LHFPL6: variants seen among roughly 807,000 people sequenced by gnomAD.
LHFPL6 encodes LHFPL tetraspan subfamily member 6, also known as LHFPL tetraspan subfamily member 6 protein.
LHFPL6 carries 9 observed loss-of-function variants against 20.6 expected under a neutral mutation model. That is an observed-to-expected ratio of 0.44 (90% confidence interval 0.26 to 0.76). The LOEUF (loss-of-function observed/expected upper bound fraction) is 0.76, where lower values mean the gene tolerates loss of function less well. Ranked by LOEUF, LHFPL6 falls within the 30% of genes least tolerant of loss-of-function variation. The pLI, the probability that LHFPL6 is intolerant of heterozygous loss-of-function variation, is 0.20. For synonymous variants in LHFPL6, 105 were observed against 98.7 expected, an observed-to-expected ratio of 1.06 and a Z score of -0.38; for missense variants, 218 against 253.5, an observed-to-expected ratio of 0.86 and a Z score of 0.95.
intron 3 of LHFPL6, among the ~76,000 whole-genome samples, chr13:39,345,166 A>G (rs1256997987): frequency 6.6e-6 from 1 of 152,188 alleles, no homozygotes; most frequent in Non-Finnish European, 1.5e-5. Flanking sequence ...AGATACAAAC[A>G]TAAACACCAA....
At chr13:39,516,143 G>C (rs948392682) in intron 2 of LHFPL6, among the ~76,000 whole-genome samples, 2 of 152,064 alleles carry the variant, frequency 1.3e-5, no homozygotes, top group Non-Finnish European at 2.9e-5. Flanking sequence ...ATTTCTGTAC[G>C]CTTCACATTC....
At chr13:39,370,603 C>T (rs1870139593) in intron 3 of LHFPL6, among the ~76,000 whole-genome samples, 1 of 152,208 alleles carries the variant, frequency 6.6e-6, no homozygotes, top group South Asian at 2.1e-4. Context: ...GGAGTCTCTT[C>T]CTGAGCTGAG....
intron 3 of LHFPL6, among the ~76,000 whole-genome samples, chr13:39,357,833 A>G (rs1869766701): frequency 6.6e-6 from 1 of 152,214 alleles, no homozygotes. Context: ...ATACTGTTGA[A>G]AGAAATCATC....
intron 2 of LHFPL6, among the ~76,000 whole-genome samples, chr13:39,563,228 G>A (rs1370777983): frequency 6.6e-6 from 1 of 151,188 alleles, no homozygotes; most frequent in Non-Finnish European, 1.5e-5. Flanking sequence ...TAAAAATCAG[G>A]ATTAAACTAA....
chr13:39,429,486 T>G (rs1656894076), intron 2 of LHFPL6, among the ~76,000 whole-genome samples: 1 of 152,160 alleles, frequency 6.6e-6, no homozygotes, highest in African/African-American at 2.4e-5. Flanking sequence ...TTTACCCTAT[T>G]TGTGTCTTTA....
At chr13:39,378,281 T>C (rs1196967523) in intron 3 of LHFPL6, 147 bp downstream of exon 3, 8 of 615,018 alleles carry the variant, frequency 1.3e-5, no homozygotes, top group Non-Finnish European at 2.3e-5. Flanking sequence ...ACTAAATAAA[T>C]GGATACATTT....
chr13:39,446,745 A>G (rs932341692), intron 2 of LHFPL6, among the ~76,000 whole-genome samples: 1 of 152,190 alleles, frequency 6.6e-6, no homozygotes, highest in Non-Finnish European at 1.5e-5. Flanking sequence ...GGTCCCGTCC[A>G]ATAGCAAACT....
intron 2 of LHFPL6, among the ~76,000 whole-genome samples, chr13:39,591,099 C>T (rs1010500771): frequency 6.6e-6 from 1 of 152,108 alleles, no homozygotes; most frequent in African/African-American, 2.4e-5. Context: ...AACTCTATAT[C>T]CCACTATTTT....
intron 2 of LHFPL6, among the ~76,000 whole-genome samples, chr13:39,395,030 C>A (rs1301070060): frequency 6.6e-6 from 1 of 152,146 alleles, no homozygotes; most frequent in East Asian, 1.9e-4. Context: ...CTCCCCACTG[C>A]TCCTTCCCAC....
chr13:39,565,554 T>G (rs1871687036), intron 2 of LHFPL6, among the ~76,000 whole-genome samples: 1 of 152,206 alleles, frequency 6.6e-6, no homozygotes, highest in African/African-American at 2.4e-5. Context: ...AGAAGGGAAT[T>G]GTAGTTTGAA....
chr13:39,523,122 C>T (rs558933475), intron 2 of LHFPL6, among the ~76,000 whole-genome samples: 1 of 152,274 alleles, frequency 6.6e-6, no homozygotes, highest in South Asian at 2.1e-4. Flanking sequence ...TTATTTCATC[C>T]TTTATATAAT....
intron 2 of LHFPL6, among the ~76,000 whole-genome samples, chr13:39,579,305 G>A (rs1393133991): frequency 3.3e-5 from 5 of 152,178 alleles, no homozygotes; most frequent in Non-Finnish European, 5.9e-5. Flanking sequence ...AAACAAATGT[G>A]ATAGTGCATC....
intron 2 of LHFPL6, among the ~76,000 whole-genome samples, chr13:39,467,524 CTCTT>C (rs947332136): frequency 6.6e-6 from 1 of 152,174 alleles, no homozygotes; most frequent in Non-Finnish European, 1.5e-5. Context: ...CTGTCGCTGA[CTCTT>C]TCTCTCCAAA....
intron 3 of LHFPL6, among the ~76,000 whole-genome samples, chr13:39,352,865 G>A (rs9548742): frequency 5.5e-5 from 2 of 36,416 alleles, no homozygotes; most frequent in South Asian, 1.1e-3. Flanking sequence ...ATATATATGT[G>A]TATATATATA....
Position 39,533,166 on chromosome 13 carries a change from T to C in LHFPL6, c.385+67666A>G, listed in dbSNP as rs1271453973. ...ATCTCCAATATTTGATTCCAGAAGA[T>C]AGTTAAAACATGTGGGTGGCCCAAG... is the stretch of plus-strand genomic sequence containing the variant. On this transcript the variant is annotated intron_variant, in intron 2 of 3. Transcript: ENST00000379589. Among the ~76,000 whole-genome samples the C allele has an allele frequency of 4.6e-5, 7 of 152,182 alleles. No homozygotes were observed. In the South Asian group the frequency reaches 1.0e-3, roughly 22 times the overall value.
chr13:39,411,416 G>C (rs1871238789), intron 2 of LHFPL6, among the ~76,000 whole-genome samples: 1 of 152,214 alleles, frequency 6.6e-6, no homozygotes, highest in South Asian at 2.1e-4. Context: ...CTAAGGAGGT[G>C]AGCCACTTTT....
At chr13:39,532,855 G>A (rs1566134740) in intron 2 of LHFPL6, among the ~76,000 whole-genome samples, 1 of 152,150 alleles carries the variant, frequency 6.6e-6, no homozygotes, top group Non-Finnish European at 1.5e-5. Flanking sequence ...TGGAAGATTA[G>A]GGTATTCATT....
At chr13:39,430,645 C>T (rs1360515415) in intron 2 of LHFPL6, among the ~76,000 whole-genome samples, 1 of 152,188 alleles carries the variant, frequency 6.6e-6, no homozygotes, top group Non-Finnish European at 1.5e-5. Context: ...TGCAAACGCA[C>T]CAATCAGCAC....
chr13:39,522,844 G>A (rs1436623599), intron 2 of LHFPL6, among the ~76,000 whole-genome samples: 2 of 152,182 alleles, frequency 1.3e-5, no homozygotes, highest in Non-Finnish European at 2.9e-5. Flanking sequence ...CTTGATTTCA[G>A]TTGCATTAAA....
Sources: allele counts gnomAD v4.1 joint callset (sites outside exome capture counted in the v4.1 genomes callset), GRCh38; gene constraint gnomAD v4.1.1; transcripts MANE v1.5; gene names NCBI Gene and HGNC (gene_info 2026-07-23, HGNC 2026-07-21).